Variants in KCNH8 observed in about 807,000 individuals in gnomAD.
KCNH8 encodes potassium voltage-gated channel subfamily H member 8, also known as voltage-gated delayed rectifier potassium channel KCNH8.
In KCNH8, 70 loss-of-function variants were observed where a neutral mutation model predicts 103.6. The ratio of observed to expected loss-of-function variants is 0.68; its 90% confidence interval spans 0.56 to 0.82. KCNH8 has a LOEUF of 0.82. Among genes scored for constraint, KCNH8 ranks in the 40% least tolerant of loss-of-function variants. KCNH8 has a pLI of 0.00. For missense variants in KCNH8, 1,217 were observed against 1,329.9 expected, an observed-to-expected ratio of 0.92 and a Z score of 1.32; for synonymous variants, 498 against 489.4, an observed-to-expected ratio of 1.02 and a Z score of -0.23.
intron 7 of KCNH8, among the ~76,000 whole-genome samples, chr3:19,396,360 C>T (rs2066518088): frequency 6.6e-6 from 1 of 151,994 alleles, no homozygotes; most frequent in Non-Finnish European, 1.5e-5. Flanking sequence ...ACAAAGCCTT[C>T]AAAGGCAGCA....
intron 11 of KCNH8, among the ~76,000 whole-genome samples, chr3:19,472,470 A>G (rs1468737098): frequency 1.3e-5 from 2 of 152,090 alleles, no homozygotes; most frequent in African/African-American, 4.8e-5. Flanking sequence ...TAGTCTCATG[A>G]GACCTGATTG....
chr3:19,472,349 C>A (rs1016824241), intron 11 of KCNH8, among the ~76,000 whole-genome samples: 1 of 151,864 alleles, frequency 6.6e-6, no homozygotes, highest in Non-Finnish European at 1.5e-5. Context: ...GTGTCTCCAC[C>A]CAAATCTCAT....
At chr3:19,514,979 A>G (rs1302346676) in intron 13 of KCNH8, among the ~76,000 whole-genome samples, 1 of 151,840 alleles carries the variant, frequency 6.6e-6, no homozygotes, top group African/African-American at 2.4e-5. Flanking sequence ...TAAGCGTGAT[A>G]AAAGTGAAAT....
intron 2 of KCNH8, among the ~76,000 whole-genome samples, chr3:19,271,659 C>A (rs1014378040): frequency 6.6e-6 from 1 of 152,128 alleles, no homozygotes; most frequent in Non-Finnish European, 1.5e-5. Context: ...TAACCCTGGC[C>A]TCCTCAAAGC....
At chr3:19,328,091 C>T (rs1226037855) in intron 3 of KCNH8, among the ~76,000 whole-genome samples, 1 of 152,056 alleles carries the variant, frequency 6.6e-6, no homozygotes, top group African/African-American at 2.4e-5. Context: ...AAATTTCTAA[C>T]CACTGTTTAT....
Position 19,313,700 on chromosome 3 carries a change from G to GAA in KCNH8, c.443-28874_443-28873dup, listed in dbSNP as rs948970398. Among the ~76,000 whole-genome samples the GAA allele has an allele frequency of 1.0e-3, 126 of 126,216 alleles. 1 individual carries two copies. Among genetic ancestry groups the GAA allele is most frequent in the African/African-American group, 3.4e-3 (120 of 35,586 alleles). 82.8% of individuals were successfully genotyped at this position (126,216 alleles called of 152,430 possible). On this transcript the variant is annotated intron_variant, in intron 3 of 15. Transcript: ENST00000328405. ...TCTGATACTCCCTCAGATTCATTTG[G>GAA]AAAAAAAAAAAAAACAACTCAATAA...
intron 8 of KCNH8, among the ~76,000 whole-genome samples, chr3:19,444,646 A>G (rs1314899140): frequency 6.6e-6 from 1 of 151,992 alleles, no homozygotes. Flanking sequence ...TAAATCAATA[A>G]GAAAAAAATC....
At chr3:19,173,070 C>T (rs1377067471) in intron 1 of KCNH8, among the ~76,000 whole-genome samples, 2 of 152,142 alleles carry the variant, frequency 1.3e-5, no homozygotes, top group Non-Finnish European at 2.9e-5. Context: ...ACTCAGGCTA[C>T]ATATCAGAAT....
chr3:19,479,333 G>A lies in KCNH8; in HGVS notation c.2040+22351G>A, dbSNP rs761912365. Reference sequence around the variant, plus strand: ...ATTATCCTCTAAGTCTTAATAGTTAGTCTTGATCTCAAAACTCAGGATGAA... The same window carrying A: ...ATTATCCTCTAAGTCTTAATAGTTAATCTTGATCTCAAAACTCAGGATGAA... On this transcript the variant is annotated intron_variant, in intron 11 of 15. Coordinates refer to ENST00000328405, the MANE Select transcript of KCNH8 (RefSeq NM_144633.3). Among the ~76,000 whole-genome samples the A allele has an allele frequency of 4.6e-5, 7 of 152,244 alleles. No individual in the cohort carries two copies. In the East Asian group the frequency reaches 1.3e-3, roughly 29 times the overall value.
chr3:19,421,551 A>T (rs1346937518), intron 7 of KCNH8, among the ~76,000 whole-genome samples: 3 of 152,010 alleles, frequency 2.0e-5, no homozygotes, highest in African/African-American at 7.2e-5. Flanking sequence ...TATTGAAATT[A>T]TTTTTTATTA....
chr3:19,347,617 C>A, intron 4 of KCNH8, 108 bp from the exon 5 acceptor site: 1 of 1,307,292 alleles, frequency 7.6e-7, no homozygotes, highest in Non-Finnish European at 1.1e-6. Flanking sequence ...TAAGATACTG[C>A]TTTGTGTAGT....
intron 11 of KCNH8, among the ~76,000 whole-genome samples, chr3:19,472,137 G>A (rs1430441512): frequency 6.6e-6 from 1 of 150,494 alleles, no homozygotes; most frequent in Non-Finnish European, 1.5e-5. Flanking sequence ...TTTTTAATGG[G>A]ATTGCTGGTA....
At chr3:19,235,264 AG>A (rs1435108251) in intron 1 of KCNH8, among the ~76,000 whole-genome samples, 4 of 152,170 alleles carry the variant, frequency 2.6e-5, no homozygotes, top group Admixed American at 2.6e-4. Context: ...GTTCATCGGG[AG>A]GGGGTAACTT....
At chr3:19,284,622 A>G (rs1007601186) in intron 3 of KCNH8, among the ~76,000 whole-genome samples, 5 of 151,514 alleles carry the variant, frequency 3.3e-5, no homozygotes, top group Admixed American at 1.3e-4. Flanking sequence ...CACCTTTAAA[A>G]CTACCTTCTT....
intron 2 of KCNH8, among the ~76,000 whole-genome samples, chr3:19,273,151 T>C (rs1209073199): frequency 2.0e-5 from 3 of 152,198 alleles, no homozygotes; most frequent in African/African-American, 7.2e-5. Flanking sequence ...CCAACAATTA[T>C]TCTCATTGCT....
intron 5 of KCNH8, among the ~76,000 whole-genome samples, chr3:19,388,259 A>G (rs2125129314): frequency 6.6e-6 from 1 of 152,302 alleles, no homozygotes; most frequent in Admixed American, 6.5e-5. Context: ...TTTCTTACTC[A>G]TGAGAATTTA....
intron 3 of KCNH8, among the ~76,000 whole-genome samples, chr3:19,324,224 A>G (rs992572331): frequency 1.3e-5 from 2 of 152,130 alleles, no homozygotes; most frequent in African/African-American, 4.8e-5. Flanking sequence ...TGGAGTTATT[A>G]TAGAGACTGG....
chr3:19,380,781 G>C (rs1436199138), intron 5 of KCNH8, among the ~76,000 whole-genome samples: 1 of 152,200 alleles, frequency 6.6e-6, no homozygotes, highest in African/African-American at 2.4e-5. Context: ...GAAATCACGT[G>C]GGTGTGGCTT....
chr3:19,383,667 C>G (rs1376712872), intron 5 of KCNH8, among the ~76,000 whole-genome samples: 1 of 152,114 alleles, frequency 6.6e-6, no homozygotes, highest in Non-Finnish European at 1.5e-5. Context: ...GCCAATGCAC[C>G]CAGCCAAGTG....
Sources: gnomAD v4.1 joint callset for allele counts (sites outside exome capture counted in the v4.1 genomes callset) on GRCh38, gnomAD v4.1.1 for gene constraint, MANE v1.5 for transcripts, NCBI Gene and HGNC (gene_info 2026-07-23, HGNC 2026-07-21) for gene names.